APOL1: variants seen among roughly 807,000 people sequenced by gnomAD.
APOL1 encodes apolipoprotein L 1.
A neutral mutation model predicts 14.9 loss-of-function variants in APOL1; 17 were observed. That is an observed-to-expected ratio of 1.14 (90% confidence interval 0.78 to 1.71). The LOEUF is 1.71. Among genes scored for constraint, APOL1 ranks in the 40% most tolerant of loss-of-function variants. The pLI, the probability that APOL1 is intolerant of heterozygous loss-of-function variation, is 0.00. For synonymous variants in APOL1, 195 were observed against 184.8 expected, an observed-to-expected ratio of 1.05 and a Z score of -0.45; for missense variants, 523 against 485.9, an observed-to-expected ratio of 1.08 and a Z score of -0.72.
At chr22:36,258,857 G>T (rs2015982057) in intron 4 of APOL1, among the ~76,000 whole-genome samples, 1 of 152,136 alleles carries the variant, frequency 6.6e-6, no homozygotes, top group South Asian at 2.1e-4. Context: ...GAGACAAGGA[G>T]GGTATGATTG....
intron 5 of APOL1, among the ~76,000 whole-genome samples, chr22:36,262,788 C>A (rs1443558646): frequency 6.6e-6 from 1 of 152,194 alleles, no homozygotes; most frequent in Non-Finnish European, 1.5e-5. Context: ...CTGGCAAGTT[C>A]TGGGCTACCC....
intron 5 of APOL1, among the ~76,000 whole-genome samples, chr22:36,262,150 A>G (rs1393919553): frequency 6.6e-6 from 1 of 152,212 alleles, no homozygotes; most frequent in Non-Finnish European, 1.5e-5. Context: ...CTTCTTCTTG[A>G]AGATGGGAGC....
intron 3 of APOL1, 34 bp from the exon 4 acceptor site, chr22:36,257,285 A>G (rs1260136046): frequency 6.2e-7 from 1 of 1,611,402 alleles, no homozygotes; most frequent in Admixed American, 1.7e-5. Flanking sequence ...GGTGGCTCAC[A>G]TTTGATCCCA....
chr22:36,255,836 A>G (rs200764213), intron 2 of APOL1, among the ~76,000 whole-genome samples: 2,860 of 125,126 alleles, frequency 0.023, 31 homozygotes, highest in East Asian at 0.027. Context: ...TGGGCCTGAA[A>G]TGGTATTGTT....
Position 36,265,915 on chromosome 22 carries a change from A to T in APOL1, c.1079A>T (p.His360Leu), listed in dbSNP as rs766502237. 6.2e-7 allele frequency: 1 copy of T among 1,614,022 alleles called. No homozygotes were observed. Among genetic ancestry groups the T allele is most frequent in the African/African-American group, 1.3e-5 (1 of 74,910 alleles). ...VYLVYESKHLHEGAKSETAEE... is the reference protein window; with the variant it reads ...VYLVYESKHLLEGAKSETAEE... The stretch of plus-strand genomic sequence containing the variant: ...CTCGTGTACGAATCAAAGCACTTAC[A>T]TGAGGGGGCAAAGTCAGAGACAGCT... The change falls in exon 6 of 6, where the codon CAT (histidine) becomes CTT (leucine). Residue 360 changes from histidine to leucine, a missense_variant. By Grantham distance (99) the His-to-Leu change is moderately conservative. Coordinates refer to ENST00000397278, the MANE Select transcript of APOL1 (RefSeq NM_003661.4).
At chr22:36,254,840 G>C in intron 1 of APOL1, 97 bp from the exon 2 acceptor site, 1 of 1,513,824 alleles carries the variant, frequency 6.6e-7, no homozygotes, top group Non-Finnish European at 9.1e-7. Context: ...TCCAGCCTGG[G>C]TGATAGAGCG....
In APOL1 at chr22:36,263,293, GA is replaced by G. The variant is rs150608428; in HGVS notation, c.314+1573del. On this transcript the variant is annotated intron_variant, in intron 5 of 5. Coordinates refer to ENST00000397278, the MANE Select transcript of APOL1 (RefSeq NM_003661.4). ...CCAGGTGAAAGGGCATGAGGCATTG[GA>G]AGGGAGCAGATGCCAGGCAAAGTGA... Among the ~76,000 whole-genome samples the G allele has an allele frequency of 1.3e-3, 195 of 152,360 alleles. 7 individuals are homozygous for G. The East Asian group carries it at 0.035, about 27-fold the overall frequency.
intron 1 of APOL1, chr22:36,254,111 G>A: frequency 1.8e-6 from 2 of 1,110,066 alleles, no homozygotes; most frequent in South Asian, 2.7e-5. Context: ...AGTCACAAGG[G>A]CAGATGTTGG....
At chr22:36,256,407 G>A (rs1022795553) in intron 2 of APOL1, among the ~76,000 whole-genome samples, 42 of 152,176 alleles carry the variant, frequency 2.8e-4, no homozygotes, top group African/African-American at 1.0e-3. Flanking sequence ...TGCGAAGAAG[G>A]ATGTTCTTTG....
At chr22:36,258,076 A>G (rs1307353439) in intron 4 of APOL1, among the ~76,000 whole-genome samples, 2 of 151,274 alleles carry the variant, frequency 1.3e-5, no homozygotes, top group African/African-American at 2.4e-5. Flanking sequence ...CTGCCACACA[A>G]TAGGGCCTCC....
At chr22:36,257,261 T>G (rs1603481989) in intron 3 of APOL1, 58 bp from the exon 4 acceptor site, 1 of 1,603,858 alleles carries the variant, frequency 6.2e-7, no homozygotes, top group East Asian at 2.2e-5. Context: ...CAAGCAAGCC[T>G]CCCTCTGTCC....
Position 36,266,243 on chromosome 22 carries a change from A to C in APOL1, c.*210A>C. 1.9e-6 allele frequency: 1 copy of C among 513,820 alleles called. No individual in the cohort carries two copies. Among genetic ancestry groups the C allele is most frequent in the South Asian group, 3.3e-5 (1 of 30,286 alleles). The allele number at this position is 513,820 out of a possible 1,614,324, so 31.8% of individuals were successfully genotyped here. A position where few individuals can be genotyped will look rare whatever the true frequency, so the allele number is the denominator to read the frequency against. ...GTAGCTGGGACTACAGGCGCCTACCACCATGCCCAGCTAATTTTTGTATTT... is the reference window on the plus strand; with the variant it reads ...GTAGCTGGGACTACAGGCGCCTACCCCCATGCCCAGCTAATTTTTGTATTT... On this transcript the variant is annotated 3_prime_UTR_variant, in exon 6 of 6. Transcript: ENST00000397278.
intron 2 of APOL1, among the ~76,000 whole-genome samples, chr22:36,256,467 G>C (rs539309970): frequency 6.6e-6 from 1 of 152,348 alleles, no homozygotes; most frequent in African/African-American, 2.4e-5. Context: ...CCATCAGCTA[G>C]GGAAAGACAG....
chr22:36,254,724 G>A (rs1220923591), intron 1 of APOL1, among the ~76,000 whole-genome samples: 2 of 151,976 alleles, frequency 1.3e-5, no homozygotes, highest in African/African-American at 4.8e-5. Flanking sequence ...TTAGCCGGGT[G>A]TCGTGGCGGG....
chr22:36,258,392 T>C (rs1027187008), intron 4 of APOL1, among the ~76,000 whole-genome samples: 1 of 152,220 alleles, frequency 6.6e-6, no homozygotes, highest in Non-Finnish European at 1.5e-5. Flanking sequence ...ACAAGGTTTA[T>C]CGGGTGAATA....
intron 3 of APOL1, 69 bp from the exon 4 acceptor site, chr22:36,257,250 T>TCAAG: frequency 6.2e-7 from 1 of 1,603,582 alleles, no homozygotes; most frequent in Non-Finnish European, 8.5e-7. Flanking sequence ...CCCCGGCTGC[T>TCAAG]CAAGCAAGCC....
chr22:36,257,263 C>T (rs965094813), intron 3 of APOL1, 56 bp from the exon 4 acceptor site: 1 of 1,605,878 alleles, frequency 6.2e-7, no homozygotes, highest in Non-Finnish European at 8.5e-7. Context: ...AGCAAGCCTC[C>T]CTCTGTCCAC....
intron 2 of APOL1, among the ~76,000 whole-genome samples, chr22:36,255,482 G>T (rs35156917): frequency 0.1 from 13,671 of 132,840 alleles, 347 homozygotes; most frequent in Non-Finnish European, 0.12. Context: ...CAGCAAGAAG[G>T]GCCCAGACGC....
chr22:36,261,199 G>A (rs2016060949), intron 4 of APOL1, among the ~76,000 whole-genome samples: 1 of 152,188 alleles, frequency 6.6e-6, no homozygotes, highest in Admixed American at 6.5e-5. Flanking sequence ...GAAGTCCAAG[G>A]TGAAGGTGCC....
Sources: allele counts gnomAD v4.1 joint callset (sites outside exome capture counted in the v4.1 genomes callset), GRCh38; gene constraint gnomAD v4.1.1; transcripts MANE v1.5; gene names NCBI Gene and HGNC (gene_info 2026-07-23, HGNC 2026-07-21).